The following RYR2 variants were observed in gnomAD, a reference collection of about 807,000 sequenced individuals.
The protein encoded by RYR2 is cardiac muscle ryanodine receptor-calcium release channel.
In RYR2, 227 loss-of-function variants were observed where a neutral mutation model predicts 601.1. That is an observed-to-expected ratio of 0.38 (90% CI 0.34 to 0.42). RYR2 has a LOEUF of 0.42. RYR2 is among the 10% of genes least tolerant of loss of function. RYR2 has a pLI of 1.00. For synonymous variants in RYR2, 2,223 were observed against 2,175.1 expected (o/e 1.02, Z -0.61); for missense variants, 4,646 against 6,156.5 (o/e 0.75, Z 8.21).
intron 1 of RYR2, among the ~76,000 whole-genome samples, chr1:237,049,784 C>T (rs1661023896): frequency 1.3e-5 from 2 of 152,162 alleles, no homozygotes; most frequent in African/African-American, 4.8e-5. Flanking sequence ...TCTCTCATGT[C>T]AGTAGCCCTC....
chr1:237,655,708 G>T, intron 52 of RYR2, 113 bp from the exon 53 acceptor site: 2 of 900,690 alleles, frequency 2.2e-6, no homozygotes, highest in Non-Finnish European at 3.3e-6. Context: ...AGAGAGTTCA[G>T]TTAGTCCAGG....
chr1:237,715,267 C>T (rs912773861), intron 71 of RYR2, among the ~76,000 whole-genome samples: 1 of 152,072 alleles, frequency 6.6e-6, no homozygotes, highest in Non-Finnish European at 1.5e-5. Context: ...GGCAGCTGCC[C>T]CAAAGGAGCT....
intron 1 of RYR2, among the ~76,000 whole-genome samples, chr1:237,143,333 A>G (rs1166860978): frequency 1.3e-5 from 2 of 152,090 alleles, no homozygotes; most frequent in Non-Finnish European, 2.9e-5. Context: ...ATCTCATTCC[A>G]TCCTGCTTTG....
At chr1:237,831,156 T>C (rs1057492526) in intron 103 of RYR2, among the ~76,000 whole-genome samples, 2 of 152,140 alleles carry the variant, frequency 1.3e-5, no homozygotes, top group African/African-American at 4.8e-5. Context: ...ACAGAAGAGA[T>C]GCCGAGTAGC....
chr1:237,448,872 T>G (rs187385983), intron 14 of RYR2, among the ~76,000 whole-genome samples: 1 of 151,966 alleles, frequency 6.6e-6, no homozygotes, highest in South Asian at 2.1e-4. Context: ...ACATTTAAAG[T>G]GCATTTCTTT....
At chr1:237,333,673 C>T (rs1696969433) in intron 3 of RYR2, 1 of 455,758 alleles carries the variant, frequency 2.2e-6, no homozygotes, top group African/African-American at 2.0e-5. Context: ...TTGTAGGAAC[C>T]AAGTCTTCTG....
At chr1:237,561,715 A>G (rs1037162144) in intron 27 of RYR2, among the ~76,000 whole-genome samples, 2 of 152,210 alleles carry the variant, frequency 1.3e-5, no homozygotes, top group Admixed American at 6.5e-5. Context: ...ATAAATTTGT[A>G]TAAGGAGTAC....
At chr1:237,821,501 C>G (rs1480321795) in intron 101 of RYR2, among the ~76,000 whole-genome samples, 1 of 152,056 alleles carries the variant, frequency 6.6e-6, no homozygotes. Context: ...GACGTCCACT[C>G]AGAGACTCCA....
Position 237,073,571 on chromosome 1 carries a change from T to C in RYR2, c.48+31002T>C, listed in dbSNP as rs1017852276. Among the ~76,000 whole-genome samples, 8 of 152,034 alleles carry C rather than the reference T, an allele frequency of 5.3e-5. No homozygotes were observed. In the South Asian group the frequency reaches 1.5e-3, roughly 28 times the overall value. On this transcript the variant is annotated intron_variant, in intron 1 of 104. Transcript: ENST00000366574. ...ATCATGGCAAAAAGAATATAAAATA[T>C]CTCATTAATAATGCTTCAGGGTGGG...
intron 17 of RYR2, among the ~76,000 whole-genome samples, chr1:237,470,859 GGAAA>G (rs1660640738): frequency 6.6e-6 from 1 of 151,534 alleles, no homozygotes; most frequent in African/African-American, 2.4e-5. Context: ...GGAGAGATAG[GGAAA>G]GAGAGAGGAA....
At chr1:237,313,162 T>C (rs1048700797) in intron 2 of RYR2, among the ~76,000 whole-genome samples, 1 of 152,214 alleles carries the variant, frequency 6.6e-6, no homozygotes, top group African/African-American at 2.4e-5. Flanking sequence ...AGTACAGATA[T>C]AGTTAAAATA....
intron 58 of RYR2, among the ~76,000 whole-genome samples, chr1:237,672,360 T>C (rs1430728910): frequency 6.6e-6 from 1 of 152,172 alleles, no homozygotes; most frequent in African/African-American, 2.4e-5. Context: ...AGTTGCCAAA[T>C]TAATAGCATT....
At chr1:237,050,057 G>A (rs965725442) in intron 1 of RYR2, among the ~76,000 whole-genome samples, 1 of 152,102 alleles carries the variant, frequency 6.6e-6, no homozygotes, top group African/African-American at 2.4e-5. Flanking sequence ...GAAGTCCAAG[G>A]CATTCCCTGT....
At chr1:237,050,960 G>A (rs922419743) in intron 1 of RYR2, among the ~76,000 whole-genome samples, 2 of 152,040 alleles carry the variant, frequency 1.3e-5, no homozygotes, top group African/African-American at 2.4e-5. Flanking sequence ...AGGAAAGTTC[G>A]GTCTCACACA....
intron 60 of RYR2, 81 bp from the exon 61 acceptor site, chr1:237,677,967 C>T (rs1329950669): frequency 2.3e-6 from 2 of 868,144 alleles, no homozygotes; most frequent in Non-Finnish European, 3.8e-6. Context: ...TTTAGCAATG[C>T]TTTCTAACCT....
intron 63 of RYR2, among the ~76,000 whole-genome samples, chr1:237,696,917 G>A (rs1303016053): frequency 1.3e-5 from 2 of 151,936 alleles, no homozygotes; most frequent in Non-Finnish European, 2.9e-5. Flanking sequence ...TTCCACTTTT[G>A]CTCTTCCAGA....
chr1:237,171,083 A>C (rs570505481), intron 1 of RYR2, among the ~76,000 whole-genome samples: 108 of 152,094 alleles, frequency 7.1e-4, no homozygotes, highest in African/African-American at 2.6e-3. Flanking sequence ...AAGTACAAAA[A>C]ATTAGTTGGG....
At chr1:237,341,778 TG>T (rs1389917914) in intron 3 of RYR2, 4 of 433,974 alleles carry the variant, frequency 9.2e-6, no homozygotes, top group African/African-American at 8.2e-5. Flanking sequence ...AGAGCTTTTT[TG>T]TCTGTTAAAT....
chr1:237,538,394 C>CAAAAAAAAAAAAAAAAAAA (rs10551995), intron 25 of RYR2, among the ~76,000 whole-genome samples: 1 of 32,900 alleles, frequency 3.0e-5, no homozygotes, highest in African/African-American at 1.3e-4. Context: ...GACTCTGTCT[C>CAAAAAAAAAAAAAAAAAAA]AAAAAAAAAA....
Sources: gnomAD v4.1 joint callset for allele counts (sites outside exome capture counted in the v4.1 genomes callset) on GRCh38, gnomAD v4.1.1 for gene constraint, MANE v1.5 for transcripts, NCBI Gene and HGNC (gene_info 2026-07-23, HGNC 2026-07-21) for gene names.